CIMAP1A: variants seen among roughly 807,000 people sequenced by gnomAD.
The protein encoded by CIMAP1A is cancer/testis antigen 135.
the CIMAP1A span, chr11:197,565 C>T: frequency 1.9e-6 from 3 of 1,613,112 alleles, no homozygotes; most frequent in East Asian, 4.5e-5. Context: ...CCACAGGCTT[C>T]ATGAAGCACA....
the CIMAP1A span, chr11:199,864 G>C: frequency 6.4e-7 from 1 of 1,556,116 alleles, no homozygotes. Context: ...AGGAAGGACA[G>C]CAGCCCAGCC....
the CIMAP1A span, chr11:199,297 G>C: frequency 1.3e-6 from 2 of 1,535,654 alleles, no homozygotes; most frequent in East Asian, 2.5e-5. Context: ...CAGAGCCTGA[G>C]TTTGCTCCCT....
chr11:197,907 C>T, the CIMAP1A span: 10 of 1,491,590 alleles, frequency 6.7e-6, no homozygotes, highest in East Asian at 2.0e-4. Context: ...CTTGAGGGGT[C>T]ACCATCGTGC....
chr11:200,117 G>A, the CIMAP1A span: 1 of 1,463,870 alleles, frequency 6.8e-7, no homozygotes, highest in Non-Finnish European at 9.5e-7. Flanking sequence ...TTCACCAGCT[G>A]GGCTGGGCCA....
At chr11:197,253 G>C in the CIMAP1A span, 3 of 1,354,482 alleles carry the variant, frequency 2.2e-6, no homozygotes, top group South Asian at 4.0e-5. Flanking sequence ...CATGGGACAG[G>C]GCCGGGCCTC....
the CIMAP1A span, chr11:200,070 A>G: frequency 6.2e-7 from 1 of 1,605,822 alleles, no homozygotes; most frequent in Non-Finnish European, 8.5e-7. Flanking sequence ...CCCGGCATCT[A>G]CACAAGATCC....
chr11:198,898 A>T, the CIMAP1A span: 5 of 1,251,058 alleles, frequency 4.0e-6, no homozygotes, highest in Non-Finnish European at 5.0e-6. Context: ...GGAGGAGGAA[A>T]AAATAAACCA....
At chr11:197,794 G>A in the CIMAP1A span, 13 of 1,602,168 alleles carry the variant, frequency 8.1e-6, 1 homozygote, top group African/African-American at 6.7e-5. Context: ...CCTGCCCTGC[G>A]CAGCCTCAGG....
chr11:198,057 A>G, the CIMAP1A span: 20 of 1,543,212 alleles, frequency 1.3e-5, no homozygotes, highest in Admixed American at 3.7e-4. Context: ...CATCCTGGAC[A>G]CCCCCTGACC....
chr11:197,595 A>G, the CIMAP1A span: 1,008 of 1,613,398 alleles, frequency 6.2e-4, 1 homozygote, highest in Non-Finnish European at 8.2e-4. Flanking sequence ...AGCTGCGTGC[A>G]CCGGCCTACA....
the CIMAP1A span, chr11:200,172 T>C: frequency 4.2e-6 from 3 of 709,684 alleles, no homozygotes; most frequent in South Asian, 1.9e-5. Context: ...GCAATTGTAA[T>C]CAGTTACTTT....
the CIMAP1A span, chr11:199,907 G>A: frequency 3.1e-6 from 5 of 1,611,072 alleles, no homozygotes; most frequent in South Asian, 4.4e-5. Flanking sequence ...GGTGGGGGCA[G>A]GGGTGCTGGT....
the CIMAP1A span, chr11:198,628 A>G: frequency 6.4e-7 from 1 of 1,564,020 alleles, no homozygotes; most frequent in Non-Finnish European, 8.7e-7. Flanking sequence ...ACCCCCAACC[A>G]TCTGAACCCT....
chr11:197,290 C>T, the CIMAP1A span: 96 of 1,548,654 alleles, frequency 6.2e-5, no homozygotes, highest in South Asian at 8.9e-4. Flanking sequence ...CTCTCACTTA[C>T]GGACAGAGCT....
the CIMAP1A span, chr11:198,988 G>A: frequency 8.4e-7 from 1 of 1,183,544 alleles, no homozygotes. Flanking sequence ...CTGAGAGCTT[G>A]AGGGGCCTGA....
At chr11:197,303 C>G in the CIMAP1A span, 4 of 1,568,416 alleles carry the variant, frequency 2.6e-6, no homozygotes, top group Middle Eastern at 1.7e-4. Context: ...ACAGAGCTGG[C>G]CATGACGGAG....
chr11:198,321 T>A, the CIMAP1A span: 1 of 1,613,548 alleles, frequency 6.2e-7, no homozygotes. Context: ...GCCCCAACCA[T>A]CCTCAGCCAA....
At chr11:197,884 C>T in the CIMAP1A span, 4 of 1,486,814 alleles carry the variant, frequency 2.7e-6, no homozygotes, top group Non-Finnish European at 3.6e-6. Flanking sequence ...CCCCTCCCGT[C>T]CCATCTTTCT....
the CIMAP1A span, chr11:198,011 T>C: frequency 1.9e-4 from 296 of 1,537,568 alleles, no homozygotes; most frequent in Non-Finnish European, 2.5e-4. Flanking sequence ...TGCTCAAAAA[T>C]AGCCTTTGTC....
Sources: gnomAD v4.1 joint callset for allele counts on GRCh38, gnomAD v4.1.1 for gene constraint, MANE v1.5 for transcripts, NCBI Gene and HGNC (gene_info 2026-07-23, HGNC 2026-07-21) for gene names.